The following NFATC2 variants were observed in gnomAD, a reference collection of about 807,000 sequenced individuals.
The protein encoded by NFATC2 is nuclear factor of activated T-cells, cytoplasmic 2.
In NFATC2, 22 loss-of-function variants were observed where a neutral mutation model predicts 87.3. The ratio of observed to expected loss-of-function variants is 0.25; its 90% CI spans 0.18 to 0.36. The LOEUF (loss-of-function observed/expected upper bound fraction) is 0.36, where lower values mean the gene tolerates loss of function less well. Among genes scored for constraint, NFATC2 ranks in the 10% least tolerant of loss-of-function variants. The pLI, the probability that NFATC2 is intolerant of heterozygous loss-of-function variation, is 1.00. For missense variants in NFATC2, 1,149 were observed against 1,259.1 expected (o/e 0.91, Z 1.32); for synonymous variants, 565 against 542.2 (o/e 1.04, Z -0.58).
intron 1 of NFATC2, among the ~76,000 whole-genome samples, chr20:51,539,518 CT>C (rs1472368432): frequency 1.3e-5 from 2 of 152,188 alleles, no homozygotes; most frequent in African/African-American, 4.8e-5. Context: ...GGGTTTCGCA[CT>C]GTCCCATGGG....
At chr20:51,434,002 C>T (rs1983190111) in intron 8 of NFATC2, among the ~76,000 whole-genome samples, 3 of 152,186 alleles carry the variant, frequency 2.0e-5, no homozygotes, top group South Asian at 4.1e-4. Flanking sequence ...CACCATGAAA[C>T]ATATCTGAGA....
chr20:51,510,563 G>A (rs2076256804), intron 3 of NFATC2, among the ~76,000 whole-genome samples: 1 of 152,196 alleles, frequency 6.6e-6, no homozygotes, highest in Non-Finnish European at 1.5e-5. Context: ...AGATTCATTG[G>A]TTCCTCTGAA....
At chr20:51,453,304 G>A (rs1453010939) in intron 6 of NFATC2, among the ~76,000 whole-genome samples, 3 of 152,210 alleles carry the variant, frequency 2.0e-5, no homozygotes, top group Admixed American at 6.5e-5. Context: ...TCTTACTAAC[G>A]TGTAAACTGG....
At chr20:51,449,042 C>T (rs898254002) in intron 6 of NFATC2, among the ~76,000 whole-genome samples, 1 of 152,128 alleles carries the variant, frequency 6.6e-6, no homozygotes, top group African/African-American at 2.4e-5. Flanking sequence ...TTTTAGTCGA[C>T]AGCTATAAAA....
chr20:51,523,523 G>C lies in NFATC2; in HGVS notation c.718C>G (p.Arg240Gly). 6.2e-7 allele frequency: 1 copy of C among 1,613,366 alleles called. No individual in the cohort carries two copies. Residue 240 changes from arginine (R) to glycine (G), a missense_variant, in exon 2 of 11, where the codon CGT (arginine) becomes GGT (glycine). Around this residue, in one of 3 missense-constraint regions of NFATC2, gnomAD observed 563 missense variants for 585.2 expected, o/e 0.96. Transcript: ENST00000371564. This position sits in a 1 kb window ranked among gnomAD's most constrained non-coding sequence, Gnocchi z 6.9. ...GGCGATGAGGAGCGGGAGGCCGGAC[G>C]GGGCACGGGCGAGTGGCGGCCCAGG... ...SCLGRHSPVP[R>G]PASRSSSPGA...
intron 6 of NFATC2, 145 bp from the exon 7 acceptor site, chr20:51,435,906 C>A: frequency 1.5e-6 from 1 of 658,236 alleles, no homozygotes; most frequent in South Asian, 1.9e-5. Flanking sequence ...CGTGTGTGTA[C>A]ATATGTATTT....
In NFATC2 at chr20:51,516,882, T is replaced by G. The variant is rs776489670; in HGVS notation, c.1234A>C (p.Ile412Leu). Reference sequence around the variant, plus strand: ...TGATGTGGCTTGGGCTGCACCTCGATCCGCAGCTCGTAAGAGCCTGACTGA... The same window carrying G: ...TGATGTGGCTTGGGCTGCACCTCGAGCCGCAGCTCGTAAGAGCCTGACTGA... ...SSQSGSYELR[I>L]EVQPKPHHRA... The change falls in exon 3 of 11, where the codon ATC becomes CTC. Residue 412 changes from isoleucine to leucine, a missense_variant. By Grantham distance (5) the Ile-to-Leu change is conservative. Around this residue, in one of 3 missense-constraint regions of NFATC2, gnomAD observed 563 missense variants for 585.2 expected, o/e 0.96. Transcript: ENST00000371564. The G allele has an allele frequency of 1.2e-6, 2 of 1,614,146 alleles. No homozygotes were observed. Among genetic ancestry groups the G allele is most frequent in the Non-Finnish European group, 1.7e-6 (2 of 1,180,004 alleles).
chr20:51,433,136 A>G (rs941311528), intron 8 of NFATC2, among the ~76,000 whole-genome samples: 13 of 151,834 alleles, frequency 8.6e-5, no homozygotes, highest in African/African-American at 3.1e-4. Flanking sequence ...TTTCCTTTCT[A>G]CTGCTTATCC....
chr20:51,535,797 G>T (rs925806621), intron 1 of NFATC2, among the ~76,000 whole-genome samples: 2 of 152,128 alleles, frequency 1.3e-5, no homozygotes, highest in Non-Finnish European at 2.9e-5. Context: ...GCCCAAGCAG[G>T]TCTGTTTTGA....
At chr20:51,446,535 A>ACAAT (rs1391825838) in intron 6 of NFATC2, among the ~76,000 whole-genome samples, 3 of 152,200 alleles carry the variant, frequency 2.0e-5, no homozygotes, top group Non-Finnish European at 2.9e-5. Flanking sequence ...GGTACCAGGA[A>ACAAT]CAATTTCTGA....
At chr20:51,395,722 T>C (rs1210175795) in intron 10 of NFATC2, among the ~76,000 whole-genome samples, 1 of 151,492 alleles carries the variant, frequency 6.6e-6, no homozygotes, top group African/African-American at 2.4e-5. Flanking sequence ...GCTGTAACAT[T>C]TTCAGTATAT....
chr20:51,427,486 G>C (rs1386006415), intron 9 of NFATC2, among the ~76,000 whole-genome samples: 4 of 152,164 alleles, frequency 2.6e-5, no homozygotes, highest in African/African-American at 9.7e-5. Context: ...CCTGTGAAAT[G>C]CACCGCCTTC....
chr20:51,558,565 G>A (rs373976938), intron 1 of NFATC2, among the ~76,000 whole-genome samples: 28 of 152,056 alleles, frequency 1.8e-4, no homozygotes, highest in East Asian at 9.7e-4. Context: ...GGTACCTTCC[G>A]GATTATATTG....
At chr20:51,513,302 A>G (rs1212604368) in intron 3 of NFATC2, among the ~76,000 whole-genome samples, 1 of 152,022 alleles carries the variant, frequency 6.6e-6, no homozygotes, top group Non-Finnish European at 1.5e-5. Context: ...ACGCAGGGAG[A>G]CCATGTCTCT....
At chr20:51,438,561 G>A (rs1014654742) in intron 6 of NFATC2, among the ~76,000 whole-genome samples, 3 of 152,118 alleles carry the variant, frequency 2.0e-5, no homozygotes, top group Admixed American at 1.3e-4. Context: ...TCCATTCCCA[G>A]CTGTCTTCCA....
rs2077039260 is a variant in NFATC2, at chr20:51,562,256, C to T, written c.70+304G>A. Among the ~76,000 whole-genome samples the T allele has an allele frequency of 6.6e-6, 1 of 152,230 alleles. No homozygotes were observed. The highest frequency in any genetic ancestry group is 2.4e-5 in the African/African-American group (1 of 41,462). The stretch of plus-strand genomic sequence containing the variant: ...CAGCCAGCGGTTAGTAGCGAGAATC[C>T]CTCCCGGTGTCCCGTGGAGAGGAAA... On this transcript the variant is annotated intron_variant, in intron 1 of 10. Coordinates refer to the NFATC2 transcript ENST00000414705. The surrounding 1 kb of genome is among the most constrained non-coding windows in gnomAD (Gnocchi z 5.8).
At chr20:51,546,637 T>C (rs142469920), upstream of NFATC2, among the ~76,000 whole-genome samples, 1,001 of 152,318 alleles carry the variant, frequency 6.6e-3, 10 homozygotes, top group Middle Eastern at 0.041. Flanking sequence ...CTTTGAAACT[T>C]CTAGCACACA....
chr20:51,524,581 C>CT lies in NFATC2; in HGVS notation c.131-472dup, dbSNP rs2076512820. 6.6e-6 allele frequency among the ~76,000 whole-genome samples: 1 copy of CT among 152,090 alleles called. No homozygotes were observed. Among genetic ancestry groups the CT allele is most frequent in the South Asian group, 2.1e-4 (1 of 4,814 alleles). ...CCGTCTGCGCGGTAGGTCATGACCC[C>CT]TAGTTTGAAAAGCACCTATCTAGGG... On this transcript the variant is annotated intron_variant, in intron 1 of 10. Coordinates refer to ENST00000371564, the MANE Select transcript of NFATC2 (RefSeq NM_012340.5). The surrounding 1 kb of genome is among the most constrained non-coding windows in gnomAD (Gnocchi z 4.0).
Position 51,552,728 on chromosome 20 carries a change from G to T in NFATC2, c.70+9832C>A, listed in dbSNP as rs368683332. ...AGCAGTAGAAGTCACAGGTCTGCAG[G>T]AGCTCCACCAAGTCCATCCTGCAGG... is the stretch of plus-strand genomic sequence containing the variant. On this transcript the variant is annotated intron_variant, in intron 1 of 10. Transcript: ENST00000414705. Among the ~76,000 whole-genome samples, 17 of 152,288 alleles carry T rather than the reference G, an allele frequency of 1.1e-4. No individual in the cohort carries two copies. In the South Asian group the frequency reaches 3.5e-3, roughly 32 times the overall value.
Sources: gnomAD v4.1 joint callset for allele counts (sites outside exome capture counted in the v4.1 genomes callset) on GRCh38, gnomAD v4.1.1 for gene constraint, gnomAD v4.1.1 regional missense constraint, Gnocchi (gnomAD v3.1) non-coding constraint, MANE v1.5 for transcripts, NCBI Gene and HGNC (gene_info 2026-07-23, HGNC 2026-07-21) for gene names.